Variants in NPC1L1 observed in about 807,000 individuals in gnomAD.
NPC1L1 encodes the protein NPC1 like intracellular cholesterol transporter 1.
In NPC1L1, 98 loss-of-function variants were observed where a neutral mutation model predicts 117.0. The ratio of observed to expected loss-of-function variants is 0.84; its 90% CI spans 0.71 to 0.99. The LOEUF (loss-of-function observed/expected upper bound fraction) is 0.99. Ranked by LOEUF, NPC1L1 falls within the 50% of genes least tolerant of loss-of-function variation. The probability of loss-of-function intolerance (pLI) is 0.00; values close to 1 mark genes in which losing one functional copy is unlikely to be tolerated. For missense variants in NPC1L1, 1,540 were observed against 1,710.0 expected (o/e 0.90, Z 1.75); for synonymous variants, 729 against 727.6 (o/e 1.00, Z -0.03).
intron 14 of NPC1L1, among the ~76,000 whole-genome samples, chr7:44,519,003 C>T (rs1801276556): frequency 6.7e-6 from 1 of 150,276 alleles, no homozygotes; most frequent in African/African-American, 2.5e-5. Context: ...CTCTCTCTTT[C>T]TCTCTCTCTC....
intron 10 of NPC1L1, among the ~76,000 whole-genome samples, 198 bp from the exon 11 acceptor site, chr7:44,522,440 G>A (rs918619511): frequency 1.3e-5 from 2 of 152,188 alleles, no homozygotes; most frequent in African/African-American, 4.8e-5. Context: ...GATGTGCTCA[G>A]TGGGACACTC....
chr7:44,520,788 A>C lies in NPC1L1; in HGVS notation c.3113T>G (p.Leu1038Trp), dbSNP rs1428647441. Reference sequence around the variant, plus strand: ...ACCTAAAACCTGGCCATCTGAAGTCAAGTTCACAGAGGTGCTGTATGCTGC... The same window carrying C: ...ACCTAAAACCTGGCCATCTGAAGTCCAGTTCACAGAGGTGCTGTATGCTGC... Reference protein sequence around the residue: ...GLAAYSTSVNLTSDGQVLASR... With the variant: ...GLAAYSTSVNWTSDGQVLASR... The change falls in exon 14 of 19, where the codon TTG (leucine) becomes TGG (tryptophan). Residue 1038 changes from leucine to tryptophan, a missense_variant. Around this residue, in one of 3 missense-constraint regions of NPC1L1, gnomAD observed 742 missense variants for 873.6 expected, o/e 0.85. Coordinates refer to ENST00000381160, the MANE Select transcript of NPC1L1 (RefSeq NM_001101648.2). The C allele has an allele frequency of 9.9e-6, 16 of 1,614,094 alleles. No individual in the cohort carries two copies. Among genetic ancestry groups the C allele is most frequent in the Non-Finnish European group, 1.4e-5 (16 of 1,179,998 alleles).
In NPC1L1 at chr7:44,538,456, A is replaced by G. The variant is rs1006544474; in HGVS notation, c.1580+361T>C. 2.0e-5 allele frequency among the ~76,000 whole-genome samples: 3 copies of G among 152,274 alleles called. No individual in the cohort carries two copies. Among genetic ancestry groups the G allele is most frequent in the African/African-American group, 7.2e-5 (3 of 41,476 alleles). On this transcript the variant is annotated intron_variant, in intron 2 of 18. Coordinates refer to ENST00000381160, the MANE Select transcript of NPC1L1 (RefSeq NM_001101648.2). This position sits in a 1 kb window ranked among gnomAD's most constrained non-coding sequence, Gnocchi z 5.9. The stretch of plus-strand genomic sequence containing the variant: ...CCCTGGCACAGAAACAAGAAGCAAA[A>G]CATAGCAAATATAAATATGTACTCT...
Position 44,512,611 on chromosome 7 carries a change from G to C in NPC1L1, c.*836C>G, listed in dbSNP as rs193090254. ...GATCTTCATCTCCACTGCAGTTCAT[G>C]CTTCTGGAGAGCTGTCCAAAAGCTC... On this transcript the variant is annotated 3_prime_UTR_variant, in exon 19 of 19. Transcript: ENST00000381160. 1 of 152,526 alleles carries C rather than the reference G, an allele frequency of 6.6e-6. No individual in the cohort carries two copies. Among genetic ancestry groups the C allele is most frequent in the East Asian group, 1.9e-4 (1 of 5,190 alleles). The allele number at this position is 152,526 out of a possible 1,614,324, so 9.4% of individuals were successfully genotyped here.
At chr7:44,526,992 C>A (rs982248717) in intron 10 of NPC1L1, among the ~76,000 whole-genome samples, 1 of 151,848 alleles carries the variant, frequency 6.6e-6, no homozygotes, top group Non-Finnish European at 1.5e-5. Flanking sequence ...CCATTGTACT[C>A]CAGCCTGGGC....
intron 12 of NPC1L1, among the ~76,000 whole-genome samples, chr7:44,521,445 C>T (rs1380375695): frequency 1.3e-5 from 2 of 152,226 alleles, no homozygotes; most frequent in Admixed American, 6.5e-5. Flanking sequence ...CCCCACTGCC[C>T]TGCCACCCGG....
chr7:44,530,876 C>T (rs1409889641), intron 10 of NPC1L1, among the ~76,000 whole-genome samples: 1 of 152,218 alleles, frequency 6.6e-6, no homozygotes, highest in Non-Finnish European at 1.5e-5. Context: ...CAGGCCAGTA[C>T]TGCCTAACAC....
At chr7:44,514,957 G>A (rs1253761472) in intron 18 of NPC1L1, among the ~76,000 whole-genome samples, 1 of 152,186 alleles carries the variant, frequency 6.6e-6, no homozygotes, top group South Asian at 2.1e-4. Context: ...AGGTTGCAGG[G>A]AGCTGAGATC....
chr7:44,525,450 G>T (rs1563204801), intron 10 of NPC1L1, among the ~76,000 whole-genome samples: 2 of 152,146 alleles, frequency 1.3e-5, no homozygotes, highest in Non-Finnish European at 2.9e-5. Context: ...TAGAGATGGG[G>T]TTTCACCATG....
intron 10 of NPC1L1, among the ~76,000 whole-genome samples, chr7:44,528,047 C>A (rs217410): frequency 0.19 from 28,399 of 152,020 alleles, 2,949 homozygotes; most frequent in Non-Finnish European, 0.23. Context: ...CTAATCTTGA[C>A]CTCCTGGCCT....
In NPC1L1 at chr7:44,516,145, A is replaced by T; in HGVS notation, c.3572T>A (p.Ile1191Asn). 5 of 1,612,818 alleles carry T rather than the reference A, an allele frequency of 3.1e-6. No homozygotes were observed. Among genetic ancestry groups the T allele is most frequent in the Non-Finnish European group, 4.2e-6 (5 of 1,179,486 alleles). ...FVSHITRSFA[I>N]STKPTWLERA... Reference sequence around the variant, plus strand: ...CTCCAGCCAGGTGGGCTTGGTGCTGATGGCAAAGGAGCGGGTAATGTGGGA... The same window carrying T: ...CTCCAGCCAGGTGGGCTTGGTGCTGTTGGCAAAGGAGCGGGTAATGTGGGA... The change falls in exon 17 of 19, where the codon ATC becomes AAC. Residue 1191 changes from isoleucine (I) to asparagine (N), a missense_variant. Ile to Asn is a moderately radical substitution (Grantham distance 149, BLOSUM62 -3). Transcript: ENST00000381160.
Position 44,536,042 on chromosome 7 carries a change from A to G in NPC1L1, c.1855-74T>C. The G allele has an allele frequency of 6.2e-7, 1 of 1,608,752 alleles. No individual in the cohort carries two copies. Among genetic ancestry groups the G allele is most frequent in the Non-Finnish European group, 8.5e-7 (1 of 1,177,678 alleles). On this transcript the variant is annotated intron_variant, in intron 4 of 18. Coordinates refer to ENST00000381160, the MANE Select transcript of NPC1L1 (RefSeq NM_001101648.2). This position sits in a 1 kb window ranked among gnomAD's most constrained non-coding sequence, Gnocchi z 4.7. ...CAGGCCAGCTCTCAATAGCTCGGTCACTGGGCACTAATTGTGTGTTGTGTC... is the reference window on the plus strand; with the variant it reads ...CAGGCCAGCTCTCAATAGCTCGGTCGCTGGGCACTAATTGTGTGTTGTGTC...
chr7:44,517,838 G>A (rs563749031), intron 14 of NPC1L1, among the ~76,000 whole-genome samples: 15 of 152,130 alleles, frequency 9.9e-5, no homozygotes, highest in African/African-American at 2.2e-4. Flanking sequence ...GTTATTGGCC[G>A]GGTGTGGTGG....
chr7:44,529,083 G>GA (rs922888035), intron 10 of NPC1L1, among the ~76,000 whole-genome samples: 7 of 109,688 alleles, frequency 6.4e-5, no homozygotes, highest in East Asian at 3.0e-4. Flanking sequence ...AAAAAAAAAA[G>GA]AAAAAAAAGA....
Position 44,534,592 on chromosome 7 carries a change from G to A in NPC1L1, c.2021C>T (p.Ala674Val). The A allele has an allele frequency of 1.9e-6, 3 of 1,614,080 alleles. No individual in the cohort carries two copies. Among genetic ancestry groups the A allele is most frequent in the Non-Finnish European group, 2.5e-6 (3 of 1,179,984 alleles). ...AGCCATGACTGCTCCCAGGACCACG[G>A]CCACCCCGCCGAGGCCCAGCGTGGC... ...SKATLGLGGVAVVLGAVMAAM... is the reference protein window; with the variant it reads ...SKATLGLGGVVVVLGAVMAAM... Residue 674 changes from alanine (A) to valine (V), a missense_variant, in exon 6 of 19, where the codon GCC becomes GTC. By Grantham distance (64) the Ala-to-Val change is moderately conservative. Coordinates refer to ENST00000381160, the MANE Select transcript of NPC1L1 (RefSeq NM_001101648.2). This position sits in a 1 kb window ranked among gnomAD's most constrained non-coding sequence, Gnocchi z 5.2.
At position 44,536,255 on chromosome 7, in the gene NPC1L1, C is replaced by T; in HGVS notation, c.1854+1G>A. ...AGAGCCAGGGACCCTGCAGCCCCTA[C>T]CTCAGCCATGAACGTGACCTGGAAC... On this transcript the variant is annotated splice_donor_variant, in intron 4 of 18. Transcript: ENST00000381160. LOFTEE classifies it high-confidence loss of function. This position sits in a 1 kb window ranked among gnomAD's most constrained non-coding sequence, Gnocchi z 4.7. 1 of 1,613,458 alleles carries T rather than the reference C, an allele frequency of 6.2e-7. No individual in the cohort carries two copies.
intron 10 of NPC1L1, among the ~76,000 whole-genome samples, chr7:44,531,059 C>T (rs1801684257): frequency 1.3e-5 from 2 of 152,248 alleles, no homozygotes; most frequent in African/African-American, 4.8e-5. Context: ...CTTGCTCATG[C>T]AGTCTGACCA....
chr7:44,539,311 CG>C lies in NPC1L1; in HGVS notation c.1085del (p.Pro362ArgfsTer49), dbSNP rs1562571411. 6.2e-7 allele frequency: 1 copy of C among 1,614,046 alleles called. No individual in the cohort carries two copies. The highest frequency in any genetic ancestry group is 1.6e-4 in the Middle Eastern group (1 of 6,062). On this transcript the variant is annotated frameshift_variant, in exon 2 of 19. Transcript: ENST00000381160. LOFTEE classifies it high-confidence loss of function. This position sits in a 1 kb window ranked among gnomAD's most constrained non-coding sequence, Gnocchi z 4.4. ...CCAGGCCCGCTGCCAAGGCCACCAC[CG>C]GGATGACAGATAGCACCAAGATGGT... ...PLTILVLSVIPVVALAAGLVF... is the reference protein window; with the variant it reads ...PLTILVLSVIXVVALAAGLVF...
chr7:44,526,344 T>C (rs1801514579), intron 10 of NPC1L1, among the ~76,000 whole-genome samples: 1 of 149,152 alleles, frequency 6.7e-6, no homozygotes, highest in East Asian at 2.0e-4. Flanking sequence ...AGGCCAGGAG[T>C]TTGAGACCAG....
Sources: gnomAD v4.1 joint callset for allele counts (sites outside exome capture counted in the v4.1 genomes callset) on GRCh38, gnomAD v4.1.1 for gene constraint, gnomAD v4.1.1 regional missense constraint, Gnocchi (gnomAD v3.1) non-coding constraint, MANE v1.5 for transcripts, NCBI Gene and HGNC (gene_info 2026-07-23, HGNC 2026-07-21) for gene names.